The following ALCAM variants were observed in gnomAD, a reference collection of about 807,000 sequenced individuals.
ALCAM encodes the protein activated leukocyte cell adhesion molecule, also known as CD166 antigen.
In ALCAM, 30 loss-of-function variants were observed where a neutral mutation model predicts 70.9. The ratio of observed to expected loss-of-function variants is 0.42; its 90% CI spans 0.32 to 0.57. The LOEUF is 0.57. Ranked by LOEUF, ALCAM falls within the 20% of genes least tolerant of loss-of-function variation. The pLI is 0.11. For synonymous variants in ALCAM, 249 were observed against 242.5 expected (o/e 1.03, Z -0.25); for missense variants, 591 against 695.1 (o/e 0.85, Z 1.68).
intron 6 of ALCAM, among the ~76,000 whole-genome samples, chr3:105,537,229 T>C (rs1559826017): frequency 6.6e-6 from 1 of 152,156 alleles, no homozygotes; most frequent in Non-Finnish European, 1.5e-5. Context: ...TTCTGCCTTC[T>C]GACACTGCCT....
chr3:105,552,307 T>C (rs940161914), intron 13 of ALCAM, 125 bp downstream of exon 13: 1 of 1,282,876 alleles, frequency 7.8e-7, no homozygotes, highest in African/African-American at 1.5e-5. Flanking sequence ...AAAGACAAGA[T>C]AGTAAGAATG....
intron 1 of ALCAM, among the ~76,000 whole-genome samples, chr3:105,466,519 T>C (rs922960631): frequency 2.0e-5 from 3 of 151,458 alleles, no homozygotes; most frequent in South Asian, 4.1e-4. Flanking sequence ...GGAATTTTTT[T>C]TTAAATCTTC....
chr3:105,539,485 A>G (rs77814563), intron 6 of ALCAM, among the ~76,000 whole-genome samples: 2,331 of 152,162 alleles, frequency 0.015, 50 homozygotes, highest in African/African-American at 0.048. Flanking sequence ...TCTCTCCTGC[A>G]TGCCGAAATC....
At chr3:105,425,045 G>A (rs1447270609) in intron 1 of ALCAM, among the ~76,000 whole-genome samples, 3 of 151,350 alleles carry the variant, frequency 2.0e-5, no homozygotes, top group African/African-American at 7.3e-5. Context: ...TCCAACCTAT[G>A]AGTGCCATTT....
intron 1 of ALCAM, among the ~76,000 whole-genome samples, chr3:105,466,700 A>C (rs1937747899): frequency 6.6e-6 from 1 of 151,412 alleles, no homozygotes; most frequent in African/African-American, 2.4e-5. Flanking sequence ...TTGTTTCAGC[A>C]CATATTAATT....
intron 1 of ALCAM, among the ~76,000 whole-genome samples, chr3:105,368,307 C>A (rs1438363232): frequency 4.3e-5 from 6 of 140,394 alleles, no homozygotes; most frequent in African/African-American, 1.6e-4. Flanking sequence ...TCGGGAAATC[C>A]CTTTCCACAC....
At chr3:105,548,163 T>C (rs1323911441) in intron 11 of ALCAM, among the ~76,000 whole-genome samples, 1 of 151,440 alleles carries the variant, frequency 6.6e-6, no homozygotes, top group Non-Finnish European at 1.5e-5. Context: ...GGGTTAAGGA[T>C]TTGTTAACAC....
At chr3:105,569,794 T>C (rs1940824375) in intron 14 of ALCAM, among the ~76,000 whole-genome samples, 1 of 152,202 alleles carries the variant, frequency 6.6e-6, no homozygotes, top group Admixed American at 6.5e-5. Flanking sequence ...AGTGTTTCCT[T>C]GGGGCAGATG....
chr3:105,373,343 A>G (rs1199989962), intron 1 of ALCAM, among the ~76,000 whole-genome samples: 1 of 152,184 alleles, frequency 6.6e-6, no homozygotes, highest in Non-Finnish European at 1.5e-5. Context: ...TGATGATTTC[A>G]CTAGAGAAGT....
intron 1 of ALCAM, among the ~76,000 whole-genome samples, chr3:105,488,380 G>A (rs1938488994): frequency 6.6e-6 from 1 of 152,018 alleles, no homozygotes; most frequent in Non-Finnish European, 1.5e-5. Context: ...GGCCAATCCA[G>A]GCAGAAATGG....
Position 105,552,189 on chromosome 3 carries a change from A to T in ALCAM, c.1546+7A>T, listed in dbSNP as rs926153738. 6.2e-7 allele frequency: 1 copy of T among 1,600,758 alleles called. No individual in the cohort carries two copies. The highest frequency in any genetic ancestry group is 1.7e-4 in the Middle Eastern group (1 of 5,988). On this transcript the variant is annotated splice_region_variant and intron_variant, in intron 13 of 15. Transcript: ENST00000306107. ...GAGGCAGACGAGATAAGTGGTAGGT[A>T]CTATGCTGCCGACTCTTCTTCCTTG...
At chr3:105,397,658 C>G (rs535770157) in intron 1 of ALCAM, among the ~76,000 whole-genome samples, 1 of 152,004 alleles carries the variant, frequency 6.6e-6, no homozygotes, top group East Asian at 1.9e-4. Flanking sequence ...ACCACTCATC[C>G]AGAAATTCTA....
At position 105,575,850 on chromosome 3, in the gene ALCAM, G is replaced by A. The variant is rs954322363; in HGVS notation, c.*1399G>A. On this transcript the variant is annotated 3_prime_UTR_variant, in exon 16 of 16. Transcript: ENST00000306107. ...TTTCTAGGTATAGAACTATGTTATT[G>A]AAAGGAAAAGGAAAACTGGTGTTTG... 1.3e-5 allele frequency: 2 copies of A among 152,030 alleles called. No homozygotes were observed. Among genetic ancestry groups the A allele is most frequent in the African/African-American group, 4.8e-5 (2 of 41,402 alleles). 9.4% of individuals were successfully genotyped at this position (152,030 alleles called of 1,614,324 possible). A position where few individuals can be genotyped will look rare whatever the true frequency, so the allele number is the denominator to read the frequency against.
chr3:105,552,122 A>G (rs1282320289), intron 12 of ALCAM, 22 bp from the exon 13 acceptor site: 1 of 1,585,378 alleles, frequency 6.3e-7, no homozygotes, highest in Admixed American at 1.8e-5. Context: ...TTTTAATTTC[A>G]TATTAACATT....
chr3:105,469,235 G>T (rs550041909), intron 1 of ALCAM, among the ~76,000 whole-genome samples: 11 of 151,148 alleles, frequency 7.3e-5, no homozygotes, highest in Non-Finnish European at 1.2e-4. Flanking sequence ...TGACCACTGC[G>T]GTAGGCAGCA....
intron 1 of ALCAM, among the ~76,000 whole-genome samples, chr3:105,438,621 A>G (rs1159481958): frequency 6.6e-6 from 1 of 152,202 alleles, no homozygotes; most frequent in African/African-American, 2.4e-5. Context: ...GTAATTCTCA[A>G]TACTTGAATT....
At position 105,576,695 on chromosome 3, in the gene ALCAM, A is replaced by T. The variant is rs1371121258; in HGVS notation, c.*2244A>T. 2.0e-5 allele frequency: 3 copies of T among 152,228 alleles called. No homozygotes were observed. The highest frequency in any genetic ancestry group is 2.9e-5 in the Non-Finnish European group (2 of 68,030). 9.4% of individuals were successfully genotyped at this position (152,228 alleles called of 1,614,324 possible). ...AAAGCTTACTTGTTTAATGGCAGCC[A>T]CATGCACGAAGATGCTAAGAAGAAA... On this transcript the variant is annotated 3_prime_UTR_variant, in exon 16 of 16. Coordinates refer to ENST00000306107, the MANE Select transcript of ALCAM (RefSeq NM_001627.4).
intron 1 of ALCAM, among the ~76,000 whole-genome samples, chr3:105,371,329 T>C (rs1935225407): frequency 6.6e-6 from 1 of 152,160 alleles, no homozygotes; most frequent in Non-Finnish European, 1.5e-5. Flanking sequence ...GTGAATTTCT[T>C]TCTGTGCAAT....
At position 105,475,875 on chromosome 3, in the gene ALCAM, T is replaced by C. The variant is rs193291366; in HGVS notation, c.74-44192T>C. ...GATAAAAAATAGATTTCCATAACTT[T>C]ACCTTCCCCAACTCTTCTATCACCT... On this transcript the variant is annotated intron_variant, in intron 1 of 15. Coordinates refer to ENST00000306107, the MANE Select transcript of ALCAM (RefSeq NM_001627.4). Among the ~76,000 whole-genome samples the C allele has an allele frequency of 6.3e-3, 963 of 152,040 alleles. 4 individuals carry two copies. Among genetic ancestry groups the C allele is most frequent in the Admixed American group, 0.011 (163 of 15,206 alleles).
Sources: allele counts gnomAD v4.1 joint callset (sites outside exome capture counted in the v4.1 genomes callset), GRCh38; gene constraint gnomAD v4.1.1; transcripts MANE v1.5; gene names NCBI Gene and HGNC (gene_info 2026-07-23, HGNC 2026-07-21).